The following UIMC1 variants were observed in gnomAD, a reference collection of about 807,000 sequenced individuals.
UIMC1 encodes the protein BRCA1-A complex subunit RAP80.
A neutral mutation model predicts 84.9 loss-of-function variants in UIMC1; 42 were observed. That is an observed-to-expected ratio of 0.49 (90% confidence interval 0.39 to 0.64). The LOEUF (loss-of-function observed/expected upper bound fraction) is 0.64, where lower values mean the gene tolerates loss of function less well. UIMC1 is among the 30% of genes least tolerant of loss of function. The probability of loss-of-function intolerance (pLI) is 0.00; values close to 1 mark genes in which losing one functional copy is unlikely to be tolerated. For synonymous variants in UIMC1, 281 were observed against 293.0 expected, an observed-to-expected ratio of 0.96 and a Z score of 0.42; for missense variants, 825 against 847.6, an observed-to-expected ratio of 0.97 and a Z score of 0.33.
At chr5:176,935,144 A>G (rs1376198281) in intron 10 of UIMC1, among the ~76,000 whole-genome samples, 1 of 152,062 alleles carries the variant, frequency 6.6e-6, no homozygotes, top group Non-Finnish European at 1.5e-5. Context: ...TCCATAATGT[A>G]GACCCACATA....
At chr5:177,001,224 T>C (rs1425598030) in intron 1 of UIMC1, among the ~76,000 whole-genome samples, 1 of 152,238 alleles carries the variant, frequency 6.6e-6, no homozygotes, top group East Asian at 1.9e-4. Flanking sequence ...TTCTTCTGCA[T>C]ATAGATATCC....
In UIMC1 at chr5:176,951,472, A is replaced by C; in HGVS notation, c.1443+2T>G. 6.6e-7 allele frequency: 1 copy of C among 1,515,694 alleles called. No individual in the cohort carries two copies. 93.9% of individuals were successfully genotyped at this position (1,515,694 alleles called of 1,614,324 possible). A position where few individuals can be genotyped will look rare whatever the true frequency, so the allele number is the denominator to read the frequency against. On this transcript the variant is annotated splice_donor_variant, in intron 9 of 14. Transcript: ENST00000511320. LOFTEE classifies it high-confidence loss of function. ...AGAAAAAATATAGAGGAAAATATTCACCTCCTTATCTGCCATTATTATTCT... is the reference window on the plus strand; with the variant it reads ...AGAAAAAATATAGAGGAAAATATTCCCCTCCTTATCTGCCATTATTATTCT...
chr5:176,951,675 G>T, intron 8 of UIMC1, 98 bp from the exon 9 acceptor site: 1 of 817,812 alleles, frequency 1.2e-6, no homozygotes, highest in Non-Finnish European at 1.9e-6. Context: ...TTTAGGATAT[G>T]ACAATACTGT....
At chr5:176,960,282 T>C (rs1334064731) in intron 6 of UIMC1, among the ~76,000 whole-genome samples, 2 of 152,162 alleles carry the variant, frequency 1.3e-5, no homozygotes, top group Non-Finnish European at 2.9e-5. Context: ...ACTCAGATGA[T>C]CCTCTTCCTA....
intron 2 of UIMC1, among the ~76,000 whole-genome samples, chr5:176,978,644 AATATT>A (rs1420716176): frequency 5.3e-5 from 8 of 152,148 alleles, no homozygotes; most frequent in African/African-American, 1.9e-4. Context: ...GAAAAAAATC[AATATT>A]ATATTAACAT....
chr5:177,001,226 T>C (rs181702581), intron 1 of UIMC1, among the ~76,000 whole-genome samples: 1 of 152,354 alleles, frequency 6.6e-6, no homozygotes, highest in African/African-American at 2.4e-5. Flanking sequence ...CTTCTGCATA[T>C]AGATATCCAG....
rs1284766725 is a variant in UIMC1, at chr5:176,976,151, TA to T, written c.148-672del. The stretch of plus-strand genomic sequence containing the variant: ...TCCTTAACCCCCAAAAAAATTTATT[TA>T]TTTTTTAATTAAAAAGAATTTTTTT... On this transcript the variant is annotated intron_variant, in intron 2 of 14. Coordinates refer to ENST00000511320, the MANE Select transcript of UIMC1 (RefSeq NM_001199298.2). Among the ~76,000 whole-genome samples the T allele has an allele frequency of 3.9e-5, 6 of 152,138 alleles. No homozygotes were observed. The East Asian group carries it at 9.6e-4, about 24-fold the overall frequency.
intron 11 of UIMC1, among the ~76,000 whole-genome samples, chr5:176,910,089 T>C (rs1202470335): frequency 6.6e-6 from 1 of 152,166 alleles, no homozygotes; most frequent in Non-Finnish European, 1.5e-5. Flanking sequence ...AAGGCAAGTA[T>C]CTCTCTCAAA....
chr5:176,992,008 G>C (rs1772933586), intron 1 of UIMC1, among the ~76,000 whole-genome samples: 1 of 152,042 alleles, frequency 6.6e-6, no homozygotes, highest in Admixed American at 6.6e-5. Context: ...TATAGTCCCA[G>C]CTACTTGAGA....
At chr5:176,947,102 T>G (rs17078658) in intron 9 of UIMC1, among the ~76,000 whole-genome samples, 1,909 of 152,278 alleles carry the variant, frequency 0.013, 114 homozygotes, top group East Asian at 0.097. Context: ...TATTAATGTA[T>G]TCAAGAGGGA....
intron 1 of UIMC1, among the ~76,000 whole-genome samples, chr5:176,991,945 C>A (rs781450794): frequency 1.3e-5 from 2 of 151,766 alleles, no homozygotes; most frequent in Admixed American, 1.3e-4. Flanking sequence ...AAAAGAAAGA[C>A]CCCACCTCTA....
At chr5:176,948,660 C>T (rs1435829118) in intron 9 of UIMC1, among the ~76,000 whole-genome samples, 1 of 152,198 alleles carries the variant, frequency 6.6e-6, no homozygotes, top group Non-Finnish European at 1.5e-5. Flanking sequence ...TCCCAAGAGT[C>T]TAAAACAATG....
chr5:177,009,775 C>T (rs921929192), upstream of UIMC1, among the ~76,000 whole-genome samples: 1 of 151,932 alleles, frequency 6.6e-6, no homozygotes, highest in African/African-American at 2.4e-5. This position sits in a 1 kb window ranked among gnomAD's most constrained non-coding sequence, Gnocchi z 4.3. Context: ...TGACTCACAC[C>T]TATAATCCCA....
chr5:177,010,423 G>A (rs547326087), upstream of UIMC1, among the ~76,000 whole-genome samples: 16 of 152,274 alleles, frequency 1.1e-4, no homozygotes, highest in East Asian at 5.8e-4. Context: ...TGCCATTTAC[G>A]TAAACACACA....
At chr5:177,008,839 T>C (rs767519750), upstream of UIMC1, among the ~76,000 whole-genome samples, 2 of 152,150 alleles carry the variant, frequency 1.3e-5, no homozygotes, top group Non-Finnish European at 2.9e-5. Flanking sequence ...TTGGGTACTA[T>C]CTCAAGTTCT....
At chr5:176,929,475 G>C (rs1417233930) in intron 10 of UIMC1, among the ~76,000 whole-genome samples, 2 of 151,776 alleles carry the variant, frequency 1.3e-5, no homozygotes, top group East Asian at 3.9e-4. Flanking sequence ...GCTGAGGCAG[G>C]AGTATGGCGT....
chr5:176,988,250 ATAAC>A (rs1384812720), intron 1 of UIMC1, among the ~76,000 whole-genome samples: 1 of 152,116 alleles, frequency 6.6e-6, no homozygotes, highest in Non-Finnish European at 1.5e-5. Context: ...ATAATGGAAA[ATAAC>A]TAGTGTTGGT....
At chr5:176,920,888 A>G (rs1581382177) in intron 10 of UIMC1, among the ~76,000 whole-genome samples, 1 of 152,230 alleles carries the variant, frequency 6.6e-6, no homozygotes, top group African/African-American at 2.4e-5. Flanking sequence ...GTCTTTCACC[A>G]TTAAGTATGA....
intron 1 of UIMC1, among the ~76,000 whole-genome samples, chr5:176,996,746 C>G (rs755920639): frequency 2.0e-5 from 3 of 152,076 alleles, no homozygotes; most frequent in Non-Finnish European, 2.9e-5. Flanking sequence ...GAGTACCAAC[C>G]ACTGCACTGC....
Sources: allele counts gnomAD v4.1 joint callset (sites outside exome capture counted in the v4.1 genomes callset), GRCh38; gene constraint gnomAD v4.1.1; non-coding constraint Gnocchi (gnomAD v3.1); transcripts MANE v1.5; gene names NCBI Gene and HGNC (gene_info 2026-07-23, HGNC 2026-07-21).